The following ATL1 variants were observed in gnomAD, a reference collection of about 807,000 sequenced individuals.
The protein encoded by ATL1 is atlastin GTPase 1.
A neutral mutation model predicts 75.5 loss-of-function variants in ATL1; 31 were observed. That is an observed-to-expected ratio of 0.41 (90% CI 0.31 to 0.55). The LOEUF (loss-of-function observed/expected upper bound fraction) is 0.55. Among genes scored for constraint, ATL1 ranks in the 20% least tolerant of loss-of-function variants. The pLI is 0.27. For synonymous variants in ATL1, 226 were observed against 233.3 expected (o/e 0.97, Z 0.28); for missense variants, 405 against 662.6 (o/e 0.61, Z 4.27).
intron 6 of ATL1, among the ~76,000 whole-genome samples, chr14:50,599,562 A>C (rs942153184): frequency 1.3e-5 from 2 of 152,192 alleles, no homozygotes; most frequent in East Asian, 3.8e-4. Context: ...GAGACAACTT[A>C]GGTGTCCATC....
chr14:50,570,387 T>G (rs1468658273), intron 1 of ATL1, among the ~76,000 whole-genome samples: 1 of 152,144 alleles, frequency 6.6e-6, no homozygotes, highest in Non-Finnish European at 1.5e-5. Flanking sequence ...CTTTTTTTCT[T>G]CTTTTAAAGA....
At chr14:50,549,925 G>A (rs367720945) in intron 1 of ATL1, among the ~76,000 whole-genome samples, 48 of 152,258 alleles carry the variant, frequency 3.2e-4, no homozygotes, top group East Asian at 9.7e-4. Flanking sequence ...AATATGCGCC[G>A]CAAACTCTCA....
intron 13 of ATL1, among the ~76,000 whole-genome samples, chr14:50,630,449 T>C (rs2039569064): frequency 6.6e-6 from 1 of 152,346 alleles, no homozygotes; most frequent in Admixed American, 6.5e-5. Flanking sequence ...CATACCACTT[T>C]AAGCAGGGCC....
chr14:50,597,220 C>CA (rs372066395), intron 6 of ATL1, among the ~76,000 whole-genome samples: 4,945 of 108,366 alleles, frequency 0.046, 192 homozygotes, highest in Admixed American at 0.12. Context: ...AAAAAACAAA[C>CA]AAAAAAAAAA....
In ATL1 at chr14:50,613,364, T is replaced by C. The variant is rs764267702; in HGVS notation, c.723+13T>C. Reference sequence around the variant, plus strand: ...AAAACGCCTCAAGGTTTGTTAGATATTTAGGTGCATGAAATTTCACTAATA... The same window carrying C: ...AAAACGCCTCAAGGTTTGTTAGATACTTAGGTGCATGAAATTTCACTAATA... On this transcript the variant is annotated intron_variant, in intron 7 of 13. Transcript: ENST00000358385. 1.3e-6 allele frequency: 2 copies of C among 1,588,580 alleles called. No homozygotes were observed. The highest frequency in any genetic ancestry group is 1.7e-6 in the Non-Finnish European group (2 of 1,157,984).
chr14:50,620,559 A>C (rs777535256), intron 8 of ATL1, 40 bp from the exon 9 acceptor site: 1 of 1,595,782 alleles, frequency 6.3e-7, no homozygotes, highest in Non-Finnish European at 8.6e-7. Context: ...AGGACTGGGA[A>C]GGATTCCAAA....
In ATL1 at chr14:50,632,517, G is replaced by A. The variant is rs1279394388; in HGVS notation, c.*178G>A. 1.9e-6 allele frequency: 1 copy of A among 519,250 alleles called. No homozygotes were observed. Among genetic ancestry groups the A allele is most frequent in the Non-Finnish European group, 3.5e-6 (1 of 283,632 alleles). 32.2% of individuals were successfully genotyped at this position (519,250 alleles called of 1,614,324 possible). ...GTGTTTAATAAGCAGATGTATGTAT[G>A]CATGGTTATACTATTTTGTTAACAT... is the stretch of plus-strand genomic sequence containing the variant. On this transcript the variant is annotated 3_prime_UTR_variant, in exon 14 of 14. Coordinates refer to ENST00000358385, the MANE Select transcript of ATL1 (RefSeq NM_015915.5).
chr14:50,582,930 C>A (rs2356453), intron 1 of ATL1, among the ~76,000 whole-genome samples: 1 of 152,072 alleles, frequency 6.6e-6, no homozygotes, highest in Non-Finnish European at 1.5e-5. Flanking sequence ...ATTTGCTACA[C>A]TGATATGTTG....
intron 1 of ATL1, among the ~76,000 whole-genome samples, chr14:50,538,492 C>T (rs142874555): frequency 7.1e-4 from 108 of 152,280 alleles, no homozygotes; most frequent in African/African-American, 2.4e-3. Flanking sequence ...ATTTTGTCTG[C>T]AAATTCAATA....
intron 1 of ATL1, among the ~76,000 whole-genome samples, chr14:50,572,884 G>A (rs2038966747): frequency 6.6e-6 from 1 of 152,162 alleles, no homozygotes; most frequent in South Asian, 2.1e-4. Flanking sequence ...AAATGAAAGA[G>A]GTTTAATTGA....
At chr14:50,629,711 C>G (rs1422869532) in intron 12 of ATL1, among the ~76,000 whole-genome samples, 2 of 152,110 alleles carry the variant, frequency 1.3e-5, no homozygotes, top group African/African-American at 2.4e-5. Context: ...ACTGGATCCT[C>G]TGAGCCACTT....
At chr14:50,576,844 T>C (rs1434013488) in intron 1 of ATL1, among the ~76,000 whole-genome samples, 3 of 152,196 alleles carry the variant, frequency 2.0e-5, no homozygotes, top group African/African-American at 4.8e-5. Flanking sequence ...CCCAAAGTGC[T>C]GGGATTACAG....
At chr14:50,549,407 G>C (rs1315635314) in intron 1 of ATL1, among the ~76,000 whole-genome samples, 1 of 152,130 alleles carries the variant, frequency 6.6e-6, no homozygotes, top group Non-Finnish European at 1.5e-5. Context: ...GACCTAGAAG[G>C]GTTCCCTCTG....
intron 11 of ATL1, among the ~76,000 whole-genome samples, chr14:50,626,450 A>G (rs1339943728): frequency 6.6e-6 from 1 of 152,226 alleles, no homozygotes; most frequent in East Asian, 1.9e-4. Flanking sequence ...TGGTGCAAAC[A>G]GCAAGAGAAC....
intron 11 of ATL1, among the ~76,000 whole-genome samples, chr14:50,627,165 G>A (rs2039529327): frequency 6.6e-6 from 1 of 152,228 alleles, no homozygotes; most frequent in Non-Finnish European, 1.5e-5. Flanking sequence ...AGCAGCCATC[G>A]ACATCGAGGC....
At chr14:50,560,766 G>A (rs1316102642) in intron 1 of ATL1, among the ~76,000 whole-genome samples, 1 of 152,218 alleles carries the variant, frequency 6.6e-6, no homozygotes, top group African/African-American at 2.4e-5. Context: ...GCTCTGCAGG[G>A]CGCGGGCTCC....
intron 1 of ATL1, among the ~76,000 whole-genome samples, chr14:50,569,844 T>G (rs900463080): frequency 6.6e-6 from 1 of 152,210 alleles, no homozygotes; most frequent in Non-Finnish European, 1.5e-5. Flanking sequence ...AGGTTTTTTT[T>G]CTTTCAGCAC....
rs756976549 is a variant in ATL1, at chr14:50,591,561, G to A, written c.444G>A (p.Gln148=). 2 of 1,613,544 alleles carry A rather than the reference G, an allele frequency of 1.2e-6. No individual in the cohort carries two copies. Among genetic ancestry groups the A allele is most frequent in the East Asian group, 2.2e-5 (1 of 44,784 alleles). ...KKVAVLLMDT[Q]GTFDSQSTLR... ...TTGCAGTGTTATTGATGGATACTCA[G>A]GGAACCTTTGATAGTCAGTCAACTT... Residue 148 remains glutamine (Q), a synonymous_variant, in exon 4 of 14, where the codon CAG becomes CAA. Transcript: ENST00000358385.
intron 1 of ATL1, among the ~76,000 whole-genome samples, chr14:50,560,833 G>C (rs1182140229): frequency 6.6e-6 from 1 of 152,198 alleles, no homozygotes; most frequent in Admixed American, 6.5e-5. Flanking sequence ...GCCGGGTCCC[G>C]GACGGACGGT....
Sources: gnomAD v4.1 joint callset for allele counts (sites outside exome capture counted in the v4.1 genomes callset) on GRCh38, gnomAD v4.1.1 for gene constraint, MANE v1.5 for transcripts, NCBI Gene and HGNC (gene_info 2026-07-23, HGNC 2026-07-21) for gene names.